FAM110B: variants seen among roughly 807,000 people sequenced by gnomAD.
The protein encoded by FAM110B is protein FAM110B.
Under a neutral mutation model 20.4 loss-of-function variants are expected in FAM110B, and 6 were observed. The ratio of observed to expected loss-of-function variants is 0.29; its 90% CI spans 0.16 to 0.58. The LOEUF (loss-of-function observed/expected upper bound fraction) is 0.58. FAM110B is among the 20% of genes least tolerant of loss of function. The pLI is 0.90. For synonymous variants in FAM110B, 226 were observed against 214.1 expected (o/e 1.06, Z -0.49); for missense variants, 434 against 498.2 (o/e 0.87, Z 1.23).
chr8:58,050,455 C>A (rs897131673), intron 2 of FAM110B, among the ~76,000 whole-genome samples: 7 of 152,142 alleles, frequency 4.6e-5, no homozygotes, highest in African/African-American at 1.4e-4. Flanking sequence ...GCTACACAGC[C>A]CTCTCAAGTA....
intron 1 of FAM110B, among the ~76,000 whole-genome samples, chr8:58,028,868 G>A (rs113727321): frequency 4.6e-5 from 7 of 152,240 alleles, no homozygotes; most frequent in Non-Finnish European, 7.4e-5. Context: ...CAGGAAAACC[G>A]CATGTGGATT....
chr8:58,102,549 T>C (rs1383017526), intron 3 of FAM110B, among the ~76,000 whole-genome samples: 1 of 152,186 alleles, frequency 6.6e-6, no homozygotes, highest in Non-Finnish European at 1.5e-5. Flanking sequence ...AGGAATTTAT[T>C]TGGGCAAGGA....
Position 58,147,722 on chromosome 8 carries a change from T to A in FAM110B, c.*379T>A. On this transcript the variant is annotated 3_prime_UTR_variant, in exon 4 of 4. Coordinates refer to ENST00000519262, the MANE Select transcript of FAM110B (RefSeq NM_001377989.1). ...TGGCTTTTAAGTTGAGAGCAGAATCTTTTTGAAATAAAAAGCCACTTTGCC... is the reference window on the plus strand; with the variant it reads ...TGGCTTTTAAGTTGAGAGCAGAATCATTTTGAAATAAAAAGCCACTTTGCC... 4.9e-6 allele frequency: 1 copy of A among 203,306 alleles called. No individual in the cohort carries two copies. The highest frequency in any genetic ancestry group is 5.4e-5 in the Admixed American group (1 of 18,616). The allele number at this position is 203,306 out of a possible 1,614,324, so 12.6% of individuals were successfully genotyped here.
chr8:58,145,393 A>T (rs1215999577), intron 3 of FAM110B, among the ~76,000 whole-genome samples: 2 of 152,106 alleles, frequency 1.3e-5, no homozygotes, highest in African/African-American at 4.8e-5. Context: ...AAGTTAAAAA[A>T]GTGACTGTTG....
chr8:58,055,722 C>T (rs1805532953), intron 2 of FAM110B, among the ~76,000 whole-genome samples: 1 of 152,184 alleles, frequency 6.6e-6, no homozygotes, highest in African/African-American at 2.4e-5. Context: ...GTAAGTAGAA[C>T]ACTTTCTTTA....
At chr8:58,144,084 G>T (rs1803800753) in intron 3 of FAM110B, among the ~76,000 whole-genome samples, 1 of 152,174 alleles carries the variant, frequency 6.6e-6, no homozygotes, top group Admixed American at 6.5e-5. Flanking sequence ...GATGAACTTT[G>T]TCTCCCACTG....
chr8:58,053,439 GAA>G (rs34871240), intron 2 of FAM110B, among the ~76,000 whole-genome samples: 1 of 138,986 alleles, frequency 7.2e-6, no homozygotes, highest in Non-Finnish European at 1.6e-5. Context: ...ACTGACAGAA[GAA>G]AGAAGAATGT....
chr8:58,115,381 T>TTTTTTTA (rs1807178899), intron 3 of FAM110B, among the ~76,000 whole-genome samples: 1 of 151,886 alleles, frequency 6.6e-6, no homozygotes, highest in African/African-American at 2.4e-5. Flanking sequence ...CCTGAATCAT[T>TTTTTTTA]TTTTTTATTT....
At chr8:58,081,874 A>T (rs1486141019) in intron 3 of FAM110B, among the ~76,000 whole-genome samples, 1 of 152,072 alleles carries the variant, frequency 6.6e-6, no homozygotes, top group Non-Finnish European at 1.5e-5. Context: ...ATTTCTTCAC[A>T]ATTTAATGTA....
intron 3 of FAM110B, among the ~76,000 whole-genome samples, chr8:58,127,960 C>G (rs2150631734): frequency 6.6e-6 from 1 of 152,266 alleles, no homozygotes; most frequent in East Asian, 1.9e-4. Flanking sequence ...TTCATTTTTA[C>G]AAGAACATCT....
At chr8:58,012,029 C>T (rs952727115) in intron 1 of FAM110B, among the ~76,000 whole-genome samples, 1 of 152,128 alleles carries the variant, frequency 6.6e-6, no homozygotes, top group Non-Finnish European at 1.5e-5. Flanking sequence ...GTGAGGACCT[C>T]GTGCATTACT....
chr8:58,082,617 A>G (rs1226883464), intron 3 of FAM110B, among the ~76,000 whole-genome samples: 1 of 152,150 alleles, frequency 6.6e-6, no homozygotes, highest in Non-Finnish European at 1.5e-5. Flanking sequence ...GTTGGGGGTA[A>G]GAATTATGTT....
rs1294555391 is a variant in FAM110B at position 58,147,715 on chromosome 8, C to T, written c.*372C>T. ...TATCAACTGGCTTTTAAGTTGAGAG[C>T]AGAATCTTTTTGAAATAAAAAGCCA... On this transcript the variant is annotated 3_prime_UTR_variant, in exon 4 of 4. Coordinates refer to ENST00000519262, the MANE Select transcript of FAM110B (RefSeq NM_001377989.1). 5 of 209,524 alleles carry T rather than the reference C, an allele frequency of 2.4e-5. No individual in the cohort carries two copies. Among genetic ancestry groups the T allele is most frequent in the Admixed American group, 1.1e-4 (2 of 18,724 alleles). The allele number at this position is 209,524 out of a possible 1,614,324, so 13.0% of individuals were successfully genotyped here. A position where few individuals can be genotyped will look rare whatever the true frequency, so the allele number is the denominator to read the frequency against.
intron 3 of FAM110B, among the ~76,000 whole-genome samples, chr8:58,095,551 G>A (rs2150606465): frequency 6.6e-6 from 1 of 152,304 alleles, no homozygotes; most frequent in African/African-American, 2.4e-5. Context: ...GTGTGGTTTT[G>A]AGTGAGTTTC....
rs753848783 is a variant in FAM110B at position 58,146,781 on chromosome 8, G to T, written c.551G>T (p.Arg184Ile). 2 of 1,611,030 alleles carry T rather than the reference G, an allele frequency of 1.2e-6. No homozygotes were observed. The highest frequency in any genetic ancestry group is 1.7e-6 in the Non-Finnish European group (2 of 1,178,414). Reference protein sequence around the residue: ...PQEGGSHVGRRLLEQSAESFL... With the variant: ...PQEGGSHVGRILLEQSAESFL... ...GAGGGCGGCTCCCACGTGGGCAGGA[G>T]ACTGCTGGAGCAGTCAGCCGAGTCC... Residue 184 changes from arginine (R) to isoleucine (I), a missense_variant, in exon 4 of 4, where the codon AGA becomes ATA. Arg to Ile is a moderately conservative substitution (Grantham distance 97). Transcript: ENST00000519262.
intron 2 of FAM110B, among the ~76,000 whole-genome samples, chr8:58,069,325 C>G (rs558756344): frequency 9.2e-5 from 14 of 152,336 alleles, no homozygotes; most frequent in African/African-American, 3.4e-4. Flanking sequence ...TAAGCACTTA[C>G]AGCTCATTGG....
chr8:58,006,923 A>ATTTTTTTTTTTTTTTTT (rs1554568496), intron 1 of FAM110B, among the ~76,000 whole-genome samples: 3 of 126,518 alleles, frequency 2.4e-5, no homozygotes, highest in South Asian at 2.6e-4. Context: ...ATATATATAT[A>ATTTTTTTTTTTTTTTTT]TTTTTCCAAA....
rs1428257845 is a variant in FAM110B, at chr8:58,148,212, A to C, written c.*869A>C. Reference sequence around the variant, plus strand: ...GGTCGAGAACTACTAATTTCATGCTATTTCTTTCTCTCTCCCTTTGTTGTT... The same window carrying C: ...GGTCGAGAACTACTAATTTCATGCTCTTTCTTTCTCTCTCCCTTTGTTGTT... On this transcript the variant is annotated 3_prime_UTR_variant, in exon 4 of 4. Transcript: ENST00000519262. 1 of 69,146 alleles carries C rather than the reference A, an allele frequency of 1.4e-5. No homozygotes were observed. The highest frequency in any genetic ancestry group is 3.3e-5 in the Non-Finnish European group (1 of 30,308). 4.3% of individuals were successfully genotyped at this position (69,146 alleles called of 1,614,324 possible). A position where few individuals can be genotyped will look rare whatever the true frequency, so the allele number is the denominator to read the frequency against.
chr8:58,061,346 G>T (rs183827064), intron 2 of FAM110B, among the ~76,000 whole-genome samples: 3 of 152,116 alleles, frequency 2.0e-5, no homozygotes, highest in Non-Finnish European at 4.4e-5. Flanking sequence ...TTTCTGTGGC[G>T]CTACTTTAAA....
Sources: gnomAD v4.1 joint callset for allele counts (sites outside exome capture counted in the v4.1 genomes callset) on GRCh38, gnomAD v4.1.1 for gene constraint, MANE v1.5 for transcripts, NCBI Gene and HGNC (gene_info 2026-07-23, HGNC 2026-07-21) for gene names.